MFHAS1: variants seen among roughly 807,000 people sequenced by gnomAD.
The protein encoded by MFHAS1 is malignant fibrous histiocytoma-amplified sequence 1.
MFHAS1 carries 50 observed loss-of-function variants against 70.4 expected under a neutral mutation model. That is an observed-to-expected ratio of 0.71 (90% CI 0.57 to 0.90). MFHAS1 has a LOEUF of 0.90. MFHAS1 is among the 40% of genes least tolerant of loss of function. MFHAS1 has a pLI of 0.00. For missense variants in MFHAS1, 1,795 were observed against 1,347.6 expected (o/e 1.33, Z -5.20); for synonymous variants, 952 against 620.0 (o/e 1.54, Z -7.96).
At chr8:8,855,189 G>A (rs1001952113) in intron 1 of MFHAS1, among the ~76,000 whole-genome samples, 1 of 152,230 alleles carries the variant, frequency 6.6e-6, no homozygotes. Flanking sequence ...CTGGGCTCAG[G>A]GGATCCACCC....
chr8:8,887,859 CAAAAAAAAA>C (rs11300082), intron 1 of MFHAS1, among the ~76,000 whole-genome samples: 1 of 95,512 alleles, frequency 1.0e-5, no homozygotes, highest in Non-Finnish European at 2.3e-5. Context: ...GCAAAAAAAA[CAAAAAAAAA>C]AAAAAAAAAA....
At chr8:8,796,528 A>C (rs997632074) in intron 2 of MFHAS1, among the ~76,000 whole-genome samples, 2 of 149,192 alleles carry the variant, frequency 1.3e-5, no homozygotes, top group African/African-American at 5.0e-5. Context: ...CTAAAAATAC[A>C]AAAAAATTAG....
intron 1 of MFHAS1, among the ~76,000 whole-genome samples, chr8:8,878,240 GC>G (rs1166919942): frequency 2.0e-5 from 3 of 152,144 alleles, no homozygotes; most frequent in Non-Finnish European, 2.9e-5. Context: ...GAAATCAATG[GC>G]AACCTAACTG....
chr8:8,791,222 C>T (rs1410815776), intron 2 of MFHAS1, among the ~76,000 whole-genome samples: 3 of 151,242 alleles, frequency 2.0e-5, no homozygotes, highest in African/African-American at 7.3e-5. Context: ...CCATTCCCCA[C>T]ATATCGGAGC....
At chr8:8,874,024 A>C (rs989210916) in intron 1 of MFHAS1, among the ~76,000 whole-genome samples, 2 of 152,224 alleles carry the variant, frequency 1.3e-5, no homozygotes, top group Non-Finnish European at 2.9e-5. Context: ...GCCAATTTAA[A>C]AAAATTACCT....
chr8:8,820,204 T>C (rs556028055), intron 1 of MFHAS1, among the ~76,000 whole-genome samples: 1 of 152,074 alleles, frequency 6.6e-6, no homozygotes, highest in African/African-American at 2.4e-5. Context: ...TCCTTTCCCT[T>C]ACTCCCCCTT....
intron 1 of MFHAS1, among the ~76,000 whole-genome samples, chr8:8,883,500 G>C (rs967108830): frequency 6.6e-5 from 10 of 151,824 alleles, no homozygotes; most frequent in Non-Finnish European, 1.5e-4. Context: ...GTGAGGTCAG[G>C]AGTTCAAGAC....
intron 1 of MFHAS1, among the ~76,000 whole-genome samples, chr8:8,822,651 C>A (rs1386285545): frequency 3.0e-5 from 4 of 133,310 alleles, no homozygotes; most frequent in South Asian, 2.6e-4. Flanking sequence ...GAGACAGGGA[C>A]CCAAGTCAGG....
At chr8:8,794,312 C>G (rs891369058) in intron 2 of MFHAS1, among the ~76,000 whole-genome samples, 1 of 152,210 alleles carries the variant, frequency 6.6e-6, no homozygotes, top group South Asian at 2.1e-4. Context: ...CCCCAAGTCT[C>G]AGGCTCAGGC....
At chr8:8,843,261 G>A (rs184874446) in intron 1 of MFHAS1, among the ~76,000 whole-genome samples, 4 of 136,776 alleles carry the variant, frequency 2.9e-5, no homozygotes, top group Non-Finnish European at 6.1e-5. Context: ...GGGCGACAGA[G>A]CGAGACTCCG....
At chr8:8,869,093 T>C (rs1006551828) in intron 1 of MFHAS1, among the ~76,000 whole-genome samples, 1 of 152,156 alleles carries the variant, frequency 6.6e-6, no homozygotes, top group African/African-American at 2.4e-5. Flanking sequence ...AGGGCCGCTT[T>C]TGAGGTGCAT....
chr8:8,856,380 G>A (rs974060165), intron 1 of MFHAS1, among the ~76,000 whole-genome samples: 5 of 152,154 alleles, frequency 3.3e-5, no homozygotes, highest in African/African-American at 7.2e-5. Context: ...ATACTTCCCC[G>A]TATTTCAAGA....
At chr8:8,812,171 CGTAA>C (rs34087173) in intron 1 of MFHAS1, among the ~76,000 whole-genome samples, 65,181 of 151,556 alleles carry the variant, frequency 0.43, 15,575 homozygotes, top group East Asian at 0.77. Context: ...CGGAGAAGCC[CGTAA>C]GTGTAGTGCA....
At chr8:8,886,988 G>A (rs1438152374) in intron 1 of MFHAS1, among the ~76,000 whole-genome samples, 1 of 152,182 alleles carries the variant, frequency 6.6e-6, no homozygotes, top group Non-Finnish European at 1.5e-5. Flanking sequence ...TTAGCCAGGT[G>A]TGGTGGCGCA....
chr8:8,841,096 C>T (rs973841260), intron 1 of MFHAS1, among the ~76,000 whole-genome samples: 1 of 152,162 alleles, frequency 6.6e-6, no homozygotes, highest in African/African-American at 2.4e-5. Context: ...TAATAAAGGT[C>T]AAGCTACCTA....
At position 8,890,311 on chromosome 8, in the gene MFHAS1, G is replaced by A. The variant is rs74319020; in HGVS notation, c.2748C>T (p.Ile916=). 1 of 1,614,226 alleles carries A rather than the reference G, an allele frequency of 6.2e-7. No homozygotes were observed. Among genetic ancestry groups the A allele is most frequent in the Non-Finnish European group, 8.5e-7 (1 of 1,180,032 alleles). Reference sequence around the variant, plus strand: ...CAGGAACTTTCCCTCTATAGGCAAAGATCTGAAATTTACCATCCGACCTGT... The same window carrying A: ...CAGGAACTTTCCCTCTATAGGCAAAAATCTGAAATTTACCATCCGACCTGT... ...VVHRSDGKFQ[I]FAYRGKVPVV... The change falls in exon 1 of 3, where the codon ATC becomes ATT. Residue 916 remains isoleucine (I), a synonymous_variant. Transcript: ENST00000276282.
rs1039067040 is a variant in MFHAS1, at chr8:8,860,697, G to A, written c.2998+29364C>T. Among the ~76,000 whole-genome samples, 9 of 152,132 alleles carry A rather than the reference G, an allele frequency of 5.9e-5. No individual in the cohort carries two copies. In the East Asian group the frequency reaches 1.7e-3, roughly 29 times the overall value. On this transcript the variant is annotated intron_variant, in intron 1 of 2. Transcript: ENST00000276282. Reference sequence around the variant, plus strand: ...CCTCACTTAGGACTGAGGGCTCCACGCATTCAAGCAATAACTAAAGGAGAA... The same window carrying A: ...CCTCACTTAGGACTGAGGGCTCCACACATTCAAGCAATAACTAAAGGAGAA...
chr8:8,838,458 A>C (rs1807686697), intron 1 of MFHAS1, among the ~76,000 whole-genome samples: 1 of 152,238 alleles, frequency 6.6e-6, no homozygotes, highest in African/African-American at 2.4e-5. Context: ...GAAAGATGAA[A>C]AGAAGCGAAG....
rs767612985 is a variant in MFHAS1 at position 8,890,520 on chromosome 8, A to G, written c.2539T>C (p.Trp847Arg). The G allele has an allele frequency of 6.2e-7, 1 of 1,613,566 alleles. No individual in the cohort carries two copies. Among genetic ancestry groups the G allele is most frequent in the Admixed American group, 1.7e-5 (1 of 60,032 alleles). Reference protein sequence around the residue: ...KGKPLNGSTAWYKFPCYVQNE... With the variant: ...KGKPLNGSTARYKFPCYVQNE... ...TGCACATAGCATGGGAACTTGTACC[A>G]AGCTGTGGACCCATTCAAAGGCTTG... is the stretch of plus-strand genomic sequence containing the variant. Residue 847 changes from tryptophan (W) to arginine (R), a missense_variant, in exon 1 of 3, where the codon TGG becomes CGG. By Grantham distance (101) the Trp-to-Arg change is moderately radical. Transcript: ENST00000276282.
Sources: gnomAD v4.1 joint callset for allele counts (sites outside exome capture counted in the v4.1 genomes callset) on GRCh38, gnomAD v4.1.1 for gene constraint, MANE v1.5 for transcripts, NCBI Gene and HGNC (gene_info 2026-07-23, HGNC 2026-07-21) for gene names.